The following RASGRF2 variants were observed in gnomAD, a reference collection of about 807,000 sequenced individuals.
RASGRF2 encodes ras-specific guanine nucleotide-releasing factor 2.
In RASGRF2, 76 loss-of-function variants were observed where a neutral mutation model predicts 151.0. The observed-to-expected ratio is 0.50, with a 90% CI of 0.42 to 0.61. The LOEUF (loss-of-function observed/expected upper bound fraction) is 0.61, where lower values mean the gene tolerates loss of function less well. RASGRF2 is among the 20% of genes least tolerant of loss of function. The pLI is 0.00. For synonymous variants in RASGRF2, 504 were observed against 566.5 expected (o/e 0.89, Z 1.57); for missense variants, 1,148 against 1,564.6 (o/e 0.73, Z 4.49).
chr5:81,073,410 C>A lies in RASGRF2; in HGVS notation c.845C>A (p.Pro282His). Residue 282 changes from proline (P) to histidine (H), a missense_variant, in exon 5 of 27, where the codon CCC (proline) becomes CAC (histidine). Coordinates refer to ENST00000265080, the MANE Select transcript of RASGRF2 (RefSeq NM_006909.3). ...CGTATGGCCGCCAGCTCCAAGAAGC[C>A]CCCCATCAGCCACGACGACGTCAGC... ...PLRMAASSKK[P>H]PISHDDVSSI... 1 of 1,614,118 alleles carries A rather than the reference C, an allele frequency of 6.2e-7. No individual in the cohort carries two copies.
intron 2 of RASGRF2, among the ~76,000 whole-genome samples, chr5:81,050,265 A>T (rs997482857): frequency 3.3e-5 from 5 of 152,154 alleles, no homozygotes; most frequent in African/African-American, 1.2e-4. Context: ...TACAGTTACT[A>T]GAGTGCCCTT....
chr5:81,052,111 A>G (rs1751031003), intron 2 of RASGRF2, among the ~76,000 whole-genome samples: 1 of 152,216 alleles, frequency 6.6e-6, no homozygotes, highest in African/African-American at 2.4e-5. Context: ...TGATAAAGAT[A>G]ATTCTACCAA....
rs551305214 is a variant in RASGRF2 at position 81,053,045 on chromosome 5, A to G, written c.395+10062A>G. Among the ~76,000 whole-genome samples, 14 of 152,142 alleles carry G rather than the reference A, an allele frequency of 9.2e-5. No individual in the cohort carries two copies. In the Middle Eastern group the frequency reaches 0.01, roughly 112 times the overall value. ...TGACTTTTACATTAAACAAATATTA[A>G]GAAAGTATGATAATTACTTGAGTTG... On this transcript the variant is annotated intron_variant, in intron 2 of 26. Transcript: ENST00000265080.
At chr5:80,963,499 G>T (rs973045138) in intron 1 of RASGRF2, among the ~76,000 whole-genome samples, 1 of 152,006 alleles carries the variant, frequency 6.6e-6, no homozygotes, top group Non-Finnish European at 1.5e-5. Flanking sequence ...TAAGAATTTG[G>T]CTAAGTTGGT....
chr5:80,989,495 G>A (rs1170105241), intron 1 of RASGRF2, among the ~76,000 whole-genome samples: 1 of 152,164 alleles, frequency 6.6e-6, no homozygotes. Flanking sequence ...CTACTGTAAT[G>A]GGGGATGCTT....
intron 2 of RASGRF2, among the ~76,000 whole-genome samples, chr5:81,053,587 C>T (rs1297555769): frequency 3.3e-5 from 5 of 152,008 alleles, no homozygotes; most frequent in African/African-American, 7.3e-5. Context: ...AATAAACATA[C>T]GTGTGCATGT....
At chr5:80,974,366 T>C (rs1748040708) in intron 1 of RASGRF2, among the ~76,000 whole-genome samples, 1 of 152,244 alleles carries the variant, frequency 6.6e-6, no homozygotes, top group Admixed American at 6.5e-5. Context: ...CAAGAACATC[T>C]ATCTGCTTTT....
intron 9 of RASGRF2, 60 bp downstream of exon 9, chr5:81,087,013 G>A: frequency 2.1e-6 from 3 of 1,448,580 alleles, no homozygotes; most frequent in African/African-American, 1.4e-5. Context: ...ACATGATCTC[G>A]GCACACCCCG....
chr5:81,150,878 G>T (rs1440189031), intron 17 of RASGRF2, among the ~76,000 whole-genome samples: 1 of 152,148 alleles, frequency 6.6e-6, no homozygotes, highest in East Asian at 1.9e-4. Flanking sequence ...TGTGTATAAT[G>T]ACAGATCACT....
At chr5:81,043,324 T>A in intron 2 of RASGRF2, among the ~76,000 whole-genome samples, 1 of 152,182 alleles carries the variant, frequency 6.6e-6, no homozygotes, top group East Asian at 1.9e-4. Flanking sequence ...GGCATTATAA[T>A]TCCCCCTGTC....
At chr5:81,065,995 C>A (rs1400781777) in intron 2 of RASGRF2, among the ~76,000 whole-genome samples, 3 of 152,084 alleles carry the variant, frequency 2.0e-5, no homozygotes, top group African/African-American at 7.2e-5. Context: ...ACTGGACCTG[C>A]CTTTCTCTTT....
chr5:81,156,720 A>C (rs929385140), intron 17 of RASGRF2, among the ~76,000 whole-genome samples: 1 of 152,236 alleles, frequency 6.6e-6, no homozygotes, highest in South Asian at 2.1e-4. Context: ...GTTAACATAC[A>C]TAGTGGTGAA....
At chr5:81,150,148 T>TAGGGAGAATGGCCATG (rs1754100761) in intron 17 of RASGRF2, among the ~76,000 whole-genome samples, 2 of 152,172 alleles carry the variant, frequency 1.3e-5, no homozygotes, top group Non-Finnish European at 2.9e-5. Flanking sequence ...ATAAGGGCCT[T>TAGGGAGAATGGCCATG]AGGGAGAATG....
At chr5:81,025,019 G>A (rs1423728765) in intron 1 of RASGRF2, among the ~76,000 whole-genome samples, 1 of 152,206 alleles carries the variant, frequency 6.6e-6, no homozygotes, top group African/African-American at 2.4e-5. Flanking sequence ...TGTGTGGTCT[G>A]AGTTTAAAGC....
chr5:81,188,844 C>T (rs1334958918), intron 18 of RASGRF2, among the ~76,000 whole-genome samples: 8 of 152,110 alleles, frequency 5.3e-5, no homozygotes, highest in Admixed American at 2.6e-4. Flanking sequence ...CAGTTTTTGC[C>T]GGGAACCCCC....
chr5:80,995,039 G>A (rs968793602), intron 1 of RASGRF2, among the ~76,000 whole-genome samples: 6 of 152,028 alleles, frequency 3.9e-5, no homozygotes, highest in African/African-American at 7.2e-5. Flanking sequence ...GATGGATCAC[G>A]AGGTCAGGAG....
At chr5:81,040,518 A>G (rs568428941) in intron 1 of RASGRF2, among the ~76,000 whole-genome samples, 5 of 152,330 alleles carry the variant, frequency 3.3e-5, no homozygotes, top group African/African-American at 9.6e-5. Context: ...TATGGTAGAG[A>G]TGGGGGAGAG....
At chr5:80,983,689 C>A (rs1257551098) in intron 1 of RASGRF2, among the ~76,000 whole-genome samples, 1 of 152,170 alleles carries the variant, frequency 6.6e-6, no homozygotes, top group Non-Finnish European at 1.5e-5. Context: ...GGCTTTTGAG[C>A]ACTTGAAATG....
chr5:81,108,026 G>A (rs192496449), intron 12 of RASGRF2, among the ~76,000 whole-genome samples: 14 of 152,250 alleles, frequency 9.2e-5, no homozygotes, highest in African/African-American at 2.2e-4. Context: ...GTTTCTTACC[G>A]GCATATTCAC....
Sources: gnomAD v4.1 joint callset for allele counts (sites outside exome capture counted in the v4.1 genomes callset) on GRCh38, gnomAD v4.1.1 for gene constraint, MANE v1.5 for transcripts, NCBI Gene and HGNC (gene_info 2026-07-23, HGNC 2026-07-21) for gene names.